UBE2N: variants seen among roughly 807,000 people sequenced by gnomAD.
UBE2N encodes the protein ubiquitin-conjugating enzyme E2 N.
For synonymous variants in UBE2N, 70 were observed against 69.2 expected, an observed-to-expected ratio of 1.01 and a Z score of -0.06; for missense variants, 60 against 192.1, an observed-to-expected ratio of 0.31 and a Z score of 4.07.
At chr12:93,438,254 A>G (rs1878994624) in intron 1 of UBE2N, among the ~76,000 whole-genome samples, 1 of 152,224 alleles carries the variant, frequency 6.6e-6, no homozygotes, top group Non-Finnish European at 1.5e-5. Flanking sequence ...AGTAAATAAC[A>G]TAACTTCGAA....
rs935831536 is a variant in UBE2N, at chr12:93,441,760, G to A, written c.30+95C>T. The A allele has an allele frequency of 2.0e-6, 3 of 1,514,840 alleles. No homozygotes were observed. The African/African-American group carries it at 4.3e-5, about 22-fold the overall frequency. 93.8% of individuals were successfully genotyped at this position (1,514,840 alleles called of 1,614,324 possible). A position where few individuals can be genotyped will look rare whatever the true frequency, so the allele number is the denominator to read the frequency against. ...CGCGCCGCCTCGGGCCTCCCAGAGCGGGCCGCGGGCCGAAGGAGGCGAGAG... is the reference window on the plus strand; with the variant it reads ...CGCGCCGCCTCGGGCCTCCCAGAGCAGGCCGCGGGCCGAAGGAGGCGAGAG... On this transcript the variant is annotated intron_variant, in intron 1 of 3. Transcript: ENST00000318066.
In UBE2N at chr12:93,433,896, T is replaced by C. The variant is rs1485083968; in HGVS notation, c.30+7959A>G. On this transcript the variant is annotated intron_variant, in intron 1 of 3. Coordinates refer to ENST00000318066, the MANE Select transcript of UBE2N (RefSeq NM_003348.4). ...CACAGGTAAACTATCCTATAAGGTA[T>C]AGGGAAAAAAGAAGAAGAACCGAAT... is the stretch of plus-strand genomic sequence containing the variant. 9.8e-5 allele frequency among the ~76,000 whole-genome samples: 15 copies of C among 152,314 alleles called. No homozygotes were observed. The East Asian group carries it at 2.5e-3, about 25-fold the overall frequency.
intron 1 of UBE2N, among the ~76,000 whole-genome samples, chr12:93,425,069 C>CTATG (rs935377646): frequency 3.4e-4 from 52 of 152,222 alleles, no homozygotes; most frequent in African/African-American, 1.3e-3. Flanking sequence ...ATAACCAACA[C>CTATG]TACATAAGGC....
intron 1 of UBE2N, among the ~76,000 whole-genome samples, chr12:93,429,907 T>C (rs57955065): frequency 0.019 from 2,906 of 152,290 alleles, 80 homozygotes; most frequent in African/African-American, 0.062. Flanking sequence ...AAAATATAAG[T>C]TTATAAAATA....
At chr12:93,418,036 A>G (rs1170430326) in intron 1 of UBE2N, among the ~76,000 whole-genome samples, 4 of 152,038 alleles carry the variant, frequency 2.6e-5, no homozygotes, top group South Asian at 2.1e-4. Context: ...GGGTTTCTCT[A>G]TGTTGCCCAG....
intron 1 of UBE2N, among the ~76,000 whole-genome samples, chr12:93,411,788 G>A (rs1397878514): frequency 6.6e-6 from 1 of 151,954 alleles, no homozygotes. Context: ...GACCTCCCTG[G>A]GCCCAGGTGA....
At chr12:93,429,143 G>C (rs182300581) in intron 1 of UBE2N, among the ~76,000 whole-genome samples, 3 of 152,004 alleles carry the variant, frequency 2.0e-5, no homozygotes, top group African/African-American at 7.2e-5. Context: ...GGTGGTGCAC[G>C]CCTGTAGTCC....
At chr12:93,430,154 T>C (rs1012355414) in intron 1 of UBE2N, among the ~76,000 whole-genome samples, 2 of 152,338 alleles carry the variant, frequency 1.3e-5, no homozygotes, top group African/African-American at 4.8e-5. Flanking sequence ...ATTTTTACTG[T>C]ACCTTTCCTA....
At chr12:93,425,247 G>A (rs1429422597) in intron 1 of UBE2N, among the ~76,000 whole-genome samples, 1 of 152,124 alleles carries the variant, frequency 6.6e-6, no homozygotes, top group Non-Finnish European at 1.5e-5. Flanking sequence ...CAGATTCTTT[G>A]TTCCTGCCAT....
In UBE2N at chr12:93,407,973, A is replaced by G. The variant is rs1452469222; in HGVS notation, c.*2066T>C. The G allele has an allele frequency of 6.6e-6, 1 of 152,242 alleles. No individual in the cohort carries two copies. The highest frequency in any genetic ancestry group is 1.5e-5 in the Non-Finnish European group (1 of 68,044). 9.4% of individuals were successfully genotyped at this position (152,242 alleles called of 1,614,324 possible). A position where few individuals can be genotyped will look rare whatever the true frequency, so the allele number is the denominator to read the frequency against. ...ATTCACTGCATTTGAAATGAAAATG[A>G]CTTATTTCTGTACTTCTATAACTCA... On this transcript the variant is annotated 3_prime_UTR_variant, in exon 4 of 4. Coordinates refer to ENST00000318066, the MANE Select transcript of UBE2N (RefSeq NM_003348.4).
chr12:93,413,325 C>G (rs1403149181), intron 1 of UBE2N, among the ~76,000 whole-genome samples: 2 of 152,146 alleles, frequency 1.3e-5, no homozygotes, highest in African/African-American at 4.8e-5. Flanking sequence ...CCCAACATCG[C>G]AACACTGAAA....
intron 3 of UBE2N, 106 bp downstream of exon 3, chr12:93,410,628 T>C (rs1878006076): frequency 2.0e-6 from 3 of 1,506,884 alleles, no homozygotes; most frequent in Non-Finnish European, 1.8e-6. Flanking sequence ...TCACTTATTA[T>C]ACTTTTTTCT....
At chr12:93,418,531 C>T (rs1175503334) in intron 1 of UBE2N, among the ~76,000 whole-genome samples, 1 of 151,542 alleles carries the variant, frequency 6.6e-6, no homozygotes, top group Non-Finnish European at 1.5e-5. Flanking sequence ...AAACTGACTG[C>T]CTATTTTCTA....
chr12:93,421,806 T>C (rs758873064), intron 1 of UBE2N, among the ~76,000 whole-genome samples: 5 of 152,238 alleles, frequency 3.3e-5, no homozygotes, highest in African/African-American at 7.2e-5. Context: ...TGCTCTAAAA[T>C]GTTTCGTGAC....
At chr12:93,435,129 C>CT (rs991352444) in intron 1 of UBE2N, among the ~76,000 whole-genome samples, 111 of 152,128 alleles carry the variant, frequency 7.3e-4, no homozygotes, top group Middle Eastern at 3.4e-3. Flanking sequence ...TTTTCCATGC[C>CT]TTTTTTTAAT....
chr12:93,430,983 CT>C, intron 1 of UBE2N, among the ~76,000 whole-genome samples: 4 of 149,800 alleles, frequency 2.7e-5, no homozygotes, highest in African/African-American at 9.8e-5. Context: ...AATCCCAGCA[CT>C]TTGGGAGGCC....
In UBE2N at chr12:93,434,890, G is replaced by GTATTTATT. The variant is rs141035353; in HGVS notation, c.30+6957_30+6964dup. Among the ~76,000 whole-genome samples, 235 of 151,310 alleles carry GTATTTATT rather than the reference G, an allele frequency of 1.6e-3. 3 individuals carry two copies. Among genetic ancestry groups the GTATTTATT allele is most frequent in the African/African-American group, 4.0e-3 (162 of 41,000 alleles). ...AATCTGTCTTCATCATAATGAGTTT[G>GTATTTATT]TATTTATTTATTTATTTATTTATTT... is the stretch of plus-strand genomic sequence containing the variant. On this transcript the variant is annotated intron_variant, in intron 1 of 3. Transcript: ENST00000318066.
chr12:93,436,998 A>T (rs763146429), intron 1 of UBE2N, among the ~76,000 whole-genome samples: 1 of 152,182 alleles, frequency 6.6e-6, no homozygotes, highest in East Asian at 1.9e-4. Flanking sequence ...ACGGTGGTTC[A>T]TGCCTGTTAA....
rs1236159191 is a variant in UBE2N at position 93,418,729 on chromosome 12, A to C, written c.31-7430T>G. 3.9e-5 allele frequency among the ~76,000 whole-genome samples: 6 copies of C among 152,328 alleles called. No individual in the cohort carries two copies. The East Asian group carries it at 1.2e-3, about 29-fold the overall frequency. ...GTATTTAAAAATTTTCTAGTAGCCA[A>C]ATAAAAAAGTAAAAAGAAACAAGTA... On this transcript the variant is annotated intron_variant, in intron 1 of 3. Transcript: ENST00000318066.
Sources: allele counts gnomAD v4.1 joint callset (sites outside exome capture counted in the v4.1 genomes callset), GRCh38; gene constraint gnomAD v4.1.1; transcripts MANE v1.5; gene names NCBI Gene and HGNC (gene_info 2026-07-23, HGNC 2026-07-21).